Variants in MCTP1 observed in about 807,000 individuals in gnomAD.
MCTP1 encodes multiple C2 and transmembrane domain containing 1, also known as multiple C2 and transmembrane domain-containing protein 1.
MCTP1 carries 69 observed loss-of-function variants against 120.6 expected under a neutral mutation model. That is an observed-to-expected ratio of 0.57 (90% CI 0.47 to 0.70). The LOEUF (loss-of-function observed/expected upper bound fraction) is 0.70. Among genes scored for constraint, MCTP1 ranks in the 30% least tolerant of loss-of-function variants. MCTP1 has a pLI of 0.00. For missense variants in MCTP1, 1,203 were observed against 1,248.8 expected, an observed-to-expected ratio of 0.96 and a Z score of 0.55; for synonymous variants, 529 against 493.1, an observed-to-expected ratio of 1.07 and a Z score of -0.96.
intron 2 of MCTP1, among the ~76,000 whole-genome samples, chr5:94,985,750 C>A (rs1420638377): frequency 1.3e-5 from 2 of 152,066 alleles, no homozygotes; most frequent in African/African-American, 4.8e-5. Context: ...CATATAGAGA[C>A]TAAGTGAAAA....
rs1413656783 is a variant in MCTP1 at position 94,773,983 on chromosome 5, C to T, written c.2610+5127G>A. 1.3e-4 allele frequency among the ~76,000 whole-genome samples: 5 copies of T among 39,290 alleles called. 2 individuals carry two copies. Among genetic ancestry groups the T allele is most frequent in the Non-Finnish European group, 2.3e-4 (5 of 21,320 alleles). The allele number at this position is 39,290 out of a possible 152,430, so 25.8% of individuals were successfully genotyped here. On this transcript the variant is annotated intron_variant, in intron 19 of 22. Transcript: ENST00000515393. ...CAGCACTTTGGGAGGCCGAGGCGGG[C>T]GGATCACGAGGTCAGGAGATCGAGA...
intron 1 of MCTP1, among the ~76,000 whole-genome samples, chr5:95,222,594 T>C (rs1280413259): frequency 2.0e-5 from 3 of 152,238 alleles, no homozygotes; most frequent in African/African-American, 7.2e-5. Context: ...GCTTCATGGT[T>C]TTACAGTTTG....
intron 17 of MCTP1, chr5:94,826,231 C>A: frequency 2.3e-6 from 1 of 430,212 alleles, no homozygotes; most frequent in Non-Finnish European, 4.4e-6. Context: ...TATAACCATG[C>A]TTGTAGATTA....
chr5:94,925,570 G>A (rs1210826271), intron 6 of MCTP1, among the ~76,000 whole-genome samples: 4 of 151,938 alleles, frequency 2.6e-5, no homozygotes, highest in African/African-American at 9.7e-5. Flanking sequence ...CACCACACCC[G>A]GCTAATTATT....
chr5:95,195,287 A>G (rs897476402), intron 1 of MCTP1, among the ~76,000 whole-genome samples: 1 of 152,172 alleles, frequency 6.6e-6, no homozygotes, highest in Non-Finnish European at 1.5e-5. Context: ...GACAATTTTG[A>G]TACGCCATAT....
chr5:94,910,193 C>T (rs1808137490), intron 9 of MCTP1, among the ~76,000 whole-genome samples: 2 of 150,536 alleles, frequency 1.3e-5, no homozygotes, highest in Admixed American at 6.6e-5. Context: ...TGTGTGCATA[C>T]ATATATGTAT....
chr5:95,008,249 A>G (rs928852696), intron 2 of MCTP1, among the ~76,000 whole-genome samples: 1 of 152,150 alleles, frequency 6.6e-6, no homozygotes, highest in African/African-American at 2.4e-5. Context: ...ACAAAAAAAG[A>G]AGGCCGCCCA....
chr5:94,997,585 C>T (rs1832855053), intron 2 of MCTP1, among the ~76,000 whole-genome samples: 1 of 152,126 alleles, frequency 6.6e-6, no homozygotes, highest in Non-Finnish European at 1.5e-5. Context: ...TTGGGCATGT[C>T]AGTCATGACT....
intron 1 of MCTP1, among the ~76,000 whole-genome samples, chr5:95,163,654 C>G (rs956181885): frequency 6.6e-6 from 1 of 152,182 alleles, no homozygotes; most frequent in Non-Finnish European, 1.5e-5. Context: ...TGTGTCATAT[C>G]ACTGGGAGGT....
chr5:94,797,924 C>A (rs771123910), intron 18 of MCTP1, among the ~76,000 whole-genome samples: 2 of 151,938 alleles, frequency 1.3e-5, no homozygotes, highest in African/African-American at 2.4e-5. Flanking sequence ...ACGGGAAGTT[C>A]TTTTACATTG....
At chr5:94,963,279 T>C (rs770713020) in intron 2 of MCTP1, among the ~76,000 whole-genome samples, 5 of 151,994 alleles carry the variant, frequency 3.3e-5, no homozygotes, top group Non-Finnish European at 4.4e-5. Context: ...AGTGCAGATA[T>C]CGCTACTAGA....
chr5:94,808,178 T>C (rs1293385838), intron 17 of MCTP1, among the ~76,000 whole-genome samples: 1 of 152,174 alleles, frequency 6.6e-6, no homozygotes, highest in East Asian at 1.9e-4. Context: ...TTTGCCTTGA[T>C]TTAAATAGCC....
At chr5:94,789,983 T>A (rs1778547977) in intron 18 of MCTP1, among the ~76,000 whole-genome samples, 1 of 152,184 alleles carries the variant, frequency 6.6e-6, no homozygotes, top group African/African-American at 2.4e-5. Flanking sequence ...CATTTTGCTG[T>A]GTTGAGATTA....
chr5:95,110,766 G>A (rs1457137974), intron 1 of MCTP1, among the ~76,000 whole-genome samples: 1 of 152,118 alleles, frequency 6.6e-6, no homozygotes. Flanking sequence ...ACCAAGTGCA[G>A]CTAAAATTCA....
At chr5:94,707,846 T>A (rs1345877520) in intron 22 of MCTP1, among the ~76,000 whole-genome samples, 1 of 151,920 alleles carries the variant, frequency 6.6e-6, no homozygotes, top group Admixed American at 6.6e-5. Flanking sequence ...ATCAATTTTT[T>A]AAAGGGCTCG....
intron 1 of MCTP1, among the ~76,000 whole-genome samples, chr5:95,226,990 A>T (rs1754351587): frequency 6.6e-6 from 1 of 152,180 alleles, no homozygotes; most frequent in African/African-American, 2.4e-5. Context: ...TACAGAGAGG[A>T]GATGCTGGAT....
chr5:95,107,568 G>A (rs940562732), intron 1 of MCTP1, among the ~76,000 whole-genome samples: 6 of 152,172 alleles, frequency 3.9e-5, no homozygotes, highest in African/African-American at 1.4e-4. Context: ...GGTACAGCAA[G>A]CCTAAGTAAA....
At chr5:94,855,090 A>G (rs980065658) in intron 17 of MCTP1, among the ~76,000 whole-genome samples, 2 of 151,830 alleles carry the variant, frequency 1.3e-5, no homozygotes, top group Admixed American at 1.3e-4. Context: ...TAAGGATGTA[A>G]CCAAAATATT....
chr5:94,830,082 G>A (rs575035269), intron 17 of MCTP1, among the ~76,000 whole-genome samples: 1 of 152,282 alleles, frequency 6.6e-6, no homozygotes, highest in African/African-American at 2.4e-5. Flanking sequence ...AAAGAGTCTG[G>A]TATTTGTTTC....
Sources: gnomAD v4.1 joint callset for allele counts (sites outside exome capture counted in the v4.1 genomes callset) on GRCh38, gnomAD v4.1.1 for gene constraint, MANE v1.5 for transcripts, NCBI Gene and HGNC (gene_info 2026-07-23, HGNC 2026-07-21) for gene names.